EHD4: variants seen among roughly 807,000 people sequenced by gnomAD.
EHD4 encodes EH domain containing 4, also known as EH domain-containing protein 4.
EHD4 carries 37 observed loss-of-function variants against 51.0 expected under a neutral mutation model. That is an observed-to-expected ratio of 0.73 (90% confidence interval 0.56 to 0.95). The LOEUF (loss-of-function observed/expected upper bound fraction) is 0.95, where lower values mean the gene tolerates loss of function less well. Among genes scored for constraint, EHD4 ranks in the 40% least tolerant of loss-of-function variants. The pLI is 0.00. For missense variants in EHD4, 632 were observed against 733.1 expected (o/e 0.86, Z 1.59); for synonymous variants, 297 against 317.3 (o/e 0.94, Z 0.68).
chr15:41,901,183 T>C lies in EHD4; in HGVS notation c.1090-2A>G, dbSNP rs1234654928. 6.5e-7 allele frequency: 1 copy of C among 1,539,014 alleles called. No individual in the cohort carries two copies. The highest frequency in any genetic ancestry group is 8.7e-7 in the Non-Finnish European group (1 of 1,144,176). Reference sequence around the variant, plus strand: ...GAAGTCATAGTTCTCAAGCTGTTCCTGCAGAAGGACAAACCACAGGATGGG... The same window carrying C: ...GAAGTCATAGTTCTCAAGCTGTTCCCGCAGAAGGACAAACCACAGGATGGG... On this transcript the variant is annotated splice_acceptor_variant, in intron 5 of 5. Coordinates refer to ENST00000220325, the MANE Select transcript of EHD4 (RefSeq NM_139265.4). LOFTEE classifies it high-confidence loss of function.
At chr15:41,928,727 C>T (rs561359039) in intron 3 of EHD4, 2 of 152,160 alleles carry the variant, frequency 1.3e-5, no homozygotes, top group African/African-American at 2.4e-5. Flanking sequence ...GTGGGTGTGC[C>T]GAGCACCACC....
intron 3 of EHD4, among the ~76,000 whole-genome samples, chr15:41,939,182 G>A (rs572622373): frequency 1.7e-4 from 26 of 152,254 alleles, no homozygotes; most frequent in African/African-American, 4.6e-4. Context: ...TTAGAAAACC[G>A]CAGGAATCCA....
chr15:41,922,991 C>G (rs978410139), intron 3 of EHD4, among the ~76,000 whole-genome samples: 1 of 152,160 alleles, frequency 6.6e-6, no homozygotes, highest in Non-Finnish European at 1.5e-5. Context: ...ATGATCAAAG[C>G]TGGGAGAGGT....
At chr15:41,909,910 C>T (rs1309360410) in intron 4 of EHD4, 47 bp from the exon 5 acceptor site, 1 of 1,607,910 alleles carries the variant, frequency 6.2e-7, no homozygotes, top group Non-Finnish European at 8.5e-7. Flanking sequence ...AGAATTGCAT[C>T]AGAGAAGGAA....
At position 41,900,941 on chromosome 15, in the gene EHD4, C is replaced by T. The variant is rs199610689; in HGVS notation, c.1330G>A (p.Val444Met). ...KEGADEEEWV[V>M]AKDKPVYDEL... ...TCGTAGACGGGCTTGTCTTTGGCCA[C>T]GACCCACTCCTCCTCGTCGGCGCCC... Residue 444 changes from valine to methionine, a missense_variant, in exon 6 of 6, where the codon GTG (valine) becomes ATG (methionine). Physicochemically the swap from Val to Met is conservative, Grantham distance 21. Coordinates refer to ENST00000220325, the MANE Select transcript of EHD4 (RefSeq NM_139265.4). This position sits in a 1 kb window ranked among gnomAD's most constrained non-coding sequence, Gnocchi z 4.8. 7.3e-5 allele frequency: 118 copies of T among 1,613,750 alleles called. 1 individual carries two copies. The highest frequency in any genetic ancestry group is 1.6e-4 in the Middle Eastern group (1 of 6,082).
At chr15:41,922,532 C>T (rs574153116) in intron 3 of EHD4, among the ~76,000 whole-genome samples, 1 of 152,168 alleles carries the variant, frequency 6.6e-6, no homozygotes, top group Non-Finnish European at 1.5e-5. Flanking sequence ...CTGCTAGCTG[C>T]GCTCGCGCCA....
chr15:41,906,150 G>A (rs1459920754), intron 5 of EHD4, among the ~76,000 whole-genome samples: 1 of 152,202 alleles, frequency 6.6e-6, no homozygotes, highest in Non-Finnish European at 1.5e-5. Flanking sequence ...ACTGGATTGA[G>A]AACCTGTCTT....
In EHD4 at chr15:41,972,518, T is replaced by TG; in HGVS notation, c.-25dup. On this transcript the variant is annotated 5_prime_UTR_variant, in exon 1 of 6. Transcript: ENST00000220325. Reference sequence around the variant, plus strand: ...ATCCTGCCGCCAGTCCACGCTCGGATGGGACCCTGCTCCGGGTTCGACTCT... The same window carrying TG: ...ATCCTGCCGCCAGTCCACGCTCGGATGGGGACCCTGCTCCGGGTTCGACTCT... The TG allele has an allele frequency of 6.8e-7, 1 of 1,480,594 alleles. No homozygotes were observed. Among genetic ancestry groups the TG allele is most frequent in the Non-Finnish European group, 8.9e-7 (1 of 1,119,446 alleles). 91.7% of individuals were successfully genotyped at this position (1,480,594 alleles called of 1,614,324 possible).
intron 1 of EHD4, among the ~76,000 whole-genome samples, chr15:41,964,441 A>G (rs2141010028): frequency 6.6e-6 from 1 of 151,780 alleles, no homozygotes; most frequent in East Asian, 2.0e-4. Flanking sequence ...CAACTCTACA[A>G]AAAATGAATA....
rs540389931 is a variant in EHD4 at position 41,931,821 on chromosome 15, C to T, written c.511+11246G>A. Among the ~76,000 whole-genome samples, 4 of 151,668 alleles carry T rather than the reference C, an allele frequency of 2.6e-5. No homozygotes were observed. The South Asian group carries it at 8.4e-4, about 32-fold the overall frequency. On this transcript the variant is annotated intron_variant, in intron 3 of 5. Coordinates refer to ENST00000220325, the MANE Select transcript of EHD4 (RefSeq NM_139265.4). Reference sequence around the variant, plus strand: ...CCTCCTGAGTAGCTGGGATTACAGGCGCACGCCACCACGCCTGGCTAATTT... The same window carrying T: ...CCTCCTGAGTAGCTGGGATTACAGGTGCACGCCACCACGCCTGGCTAATTT...
At chr15:41,956,900 A>G (rs1189102324) in intron 1 of EHD4, among the ~76,000 whole-genome samples, 1 of 152,240 alleles carries the variant, frequency 6.6e-6, no homozygotes, top group Non-Finnish European at 1.5e-5. Context: ...GAGCACATTA[A>G]CAAATTTTTG....
At chr15:41,950,628 T>C (rs1359769152) in intron 2 of EHD4, among the ~76,000 whole-genome samples, 1 of 152,366 alleles carries the variant, frequency 6.6e-6, no homozygotes. Flanking sequence ...CTGTGGATAC[T>C]ACTTAATGAG....
At chr15:41,914,005 C>T (rs921175664) in intron 4 of EHD4, among the ~76,000 whole-genome samples, 4 of 151,994 alleles carry the variant, frequency 2.6e-5, no homozygotes, top group African/African-American at 9.7e-5. Flanking sequence ...GTAGTTCACA[C>T]GTACACTCTG....
chr15:41,919,665 GA>G (rs2067611359), intron 3 of EHD4, 43 bp from the exon 4 acceptor site: 1 of 1,480,322 alleles, frequency 6.8e-7, no homozygotes, highest in African/African-American at 1.4e-5. Flanking sequence ...ACTGCTGCAG[GA>G]GACACGTTTA....
chr15:41,929,953 T>A (rs1275596435), intron 3 of EHD4, among the ~76,000 whole-genome samples: 1 of 152,198 alleles, frequency 6.6e-6, no homozygotes, highest in Non-Finnish European at 1.5e-5. Context: ...AATGAACAAC[T>A]CTAAATGACA....
At chr15:41,951,515 A>T (rs2032328030) in intron 2 of EHD4, among the ~76,000 whole-genome samples, 1 of 152,206 alleles carries the variant, frequency 6.6e-6, no homozygotes, top group South Asian at 2.1e-4. Context: ...GCCAAAATAA[A>T]GCAAGCCAAT....
chr15:41,926,876 C>T (rs2067665556), intron 3 of EHD4, among the ~76,000 whole-genome samples: 1 of 152,358 alleles, frequency 6.6e-6, no homozygotes, highest in Admixed American at 6.5e-5. Context: ...TCTTCTCCAA[C>T]TACAGCCACT....
chr15:41,950,886 T>C (rs1052290881), intron 2 of EHD4, among the ~76,000 whole-genome samples: 8 of 152,222 alleles, frequency 5.3e-5, no homozygotes, highest in African/African-American at 1.9e-4. Context: ...AACAGTATTG[T>C]CTGTGTTATC....
At chr15:41,919,140 A>C in intron 4 of EHD4, 70 bp downstream of exon 4, 3 of 1,588,968 alleles carry the variant, frequency 1.9e-6, no homozygotes, top group Non-Finnish European at 2.6e-6. Context: ...CCTCCCACCC[A>C]TCTTGCCTCT....
Sources: allele counts gnomAD v4.1 joint callset (sites outside exome capture counted in the v4.1 genomes callset), GRCh38; gene constraint gnomAD v4.1.1; non-coding constraint Gnocchi (gnomAD v3.1); transcripts MANE v1.5; gene names NCBI Gene and HGNC (gene_info 2026-07-23, HGNC 2026-07-21).